Variants in KIF4A observed in about 807,000 individuals in gnomAD.
KIF4A encodes the protein chromosome-associated kinesin KIF4A.
Under a neutral mutation model 105.9 loss-of-function variants are expected in KIF4A, and 7 were observed. The observed-to-expected ratio is 0.07, with a 90% CI of 0.04 to 0.12. The LOEUF (loss-of-function observed/expected upper bound fraction) is 0.12, where lower values mean the gene tolerates loss of function less well. KIF4A is among the 10% of genes least tolerant of loss of function. The probability of loss-of-function intolerance (pLI) is 1.00; values close to 1 mark genes in which losing one functional copy is unlikely to be tolerated. For missense variants in KIF4A, 558 were observed against 929.2 expected, an observed-to-expected ratio of 0.60 and a Z score of 5.19; for synonymous variants, 281 against 331.3, an observed-to-expected ratio of 0.85 and a Z score of 1.65.
chrX:70,350,874 A>G (rs1270587540), intron 13 of KIF4A, among the ~76,000 whole-genome samples: 7 of 112,126 alleles, frequency 6.2e-5, no homozygotes, highest in South Asian at 7.5e-4. Flanking sequence ...CCTGGAAATA[A>G]TTCTTTTTTC....
At chrX:70,338,465 A>G (rs771812488) in intron 10 of KIF4A, among the ~76,000 whole-genome samples, 1 of 112,167 alleles carries the variant, frequency 8.9e-6, no homozygotes, top group South Asian at 3.7e-4. Context: ...CATCCATGTT[A>G]TAGCACGTGT....
intron 3 of KIF4A, among the ~76,000 whole-genome samples, chrX:70,291,606 T>TA (rs1397847710): frequency 8.9e-6 from 1 of 111,974 alleles, no homozygotes; most frequent in Non-Finnish European, 1.9e-5. Flanking sequence ...ATTATTCTAA[T>TA]ACAGTGGTTA....
chrX:70,392,556 G>A (rs188696139), intron 20 of KIF4A, among the ~76,000 whole-genome samples: 278 of 110,471 alleles, frequency 2.5e-3, no homozygotes, highest in African/African-American at 8.6e-3. Context: ...GGCACTTAGA[G>A]AAGCTGAGAT....
chrX:70,296,038 C>T (rs1230113853), intron 3 of KIF4A, among the ~76,000 whole-genome samples: 1 of 100,453 alleles, frequency 1.0e-5, no homozygotes, highest in East Asian at 3.2e-4. Context: ...TTTTAAGCTG[C>T]TTTTTTCAGT....
intron 18 of KIF4A, among the ~76,000 whole-genome samples, chrX:70,385,528 T>C (rs2086214554): frequency 8.9e-6 from 1 of 112,225 alleles, no homozygotes; most frequent in Non-Finnish European, 1.9e-5. Context: ...TCTGTAGGAG[T>C]AGTAACCATG....
At chrX:70,321,037 C>T (rs749048697) in intron 7 of KIF4A, among the ~76,000 whole-genome samples, 2 of 112,008 alleles carry the variant, frequency 1.8e-5, no homozygotes, top group African/African-American at 3.2e-5. Flanking sequence ...TGGCATCTCA[C>T]GTAAATAGAA....
In KIF4A at chrX:70,353,663, T is replaced by G. The variant is rs760913685; in HGVS notation, c.1530T>G (p.Ala510=). Residue 510 remains alanine, a synonymous_variant, in exon 15 of 31, where the codon GCT becomes GCG. Transcript: ENST00000374403. ...CAGAGACGAGCAGGTCTTCTGACGCTTTTACCACTCAGCATGCTCTCCGTC... is the reference window on the plus strand; with the variant it reads ...CAGAGACGAGCAGGTCTTCTGACGCGTTTACCACTCAGCATGCTCTCCGTC... The part of the protein sequence containing the change: ...TSPETSRSSD[A]FTTQHALRQA... The G allele has an allele frequency of 2.5e-6, 3 of 1,211,342 alleles. No homozygotes were observed. The highest frequency in any genetic ancestry group is 2.3e-4 in the Middle Eastern group (1 of 4,350).
At chrX:70,312,001 T>C (rs2085852067) in intron 7 of KIF4A, among the ~76,000 whole-genome samples, 1 of 108,288 alleles carries the variant, frequency 9.2e-6, no homozygotes, top group Admixed American at 9.9e-5. Flanking sequence ...AAAAATTAAA[T>C]TAACAATAAT....
rs1341182752 is a variant in KIF4A, at chrX:70,402,596, G to A, written c.2520G>A (p.Lys840=). 4 of 1,211,833 alleles carry A rather than the reference G, an allele frequency of 3.3e-6. No homozygotes were observed. Among genetic ancestry groups the A allele is most frequent in the Non-Finnish European group, 4.5e-6 (4 of 895,458 alleles). Residue 840 remains lysine, a synonymous_variant, in exon 23 of 31, where the codon AAG becomes AAA. Transcript: ENST00000374403. ...CTCAGATTGCTGACCTACAGCAGAAGCTGCTGGATGCAGAAAGTGAAGACA... is the reference window on the plus strand; with the variant it reads ...CTCAGATTGCTGACCTACAGCAGAAACTGCTGGATGCAGAAAGTGAAGACA... The part of the protein sequence containing the change: ...RSAQIADLQQ[K]LLDAESEDRP...
chrX:70,386,221 G>A (rs182720321), intron 18 of KIF4A, among the ~76,000 whole-genome samples: 1 of 111,291 alleles, frequency 9.0e-6, no homozygotes, highest in African/African-American at 3.3e-5. Flanking sequence ...GGATGGACAG[G>A]TAGGGTTGAT....
At chrX:70,343,336 T>G (rs768913363) in intron 11 of KIF4A, among the ~76,000 whole-genome samples, 70 of 111,320 alleles carry the variant, frequency 6.3e-4, no homozygotes, top group Non-Finnish European at 4.0e-4. Flanking sequence ...TTGTTTGTTT[T>G]TTTTGTTTGT....
intron 17 of KIF4A, 70 bp downstream of exon 17, chrX:70,375,418 T>C: frequency 9.6e-7 from 1 of 1,045,272 alleles, no homozygotes. Flanking sequence ...TTTAGAAATA[T>C]ACTAGAGGTG....
chrX:70,379,778 G>A (rs1349061625), intron 18 of KIF4A, among the ~76,000 whole-genome samples: 1 of 101,670 alleles, frequency 9.8e-6, no homozygotes, highest in Admixed American at 1.1e-4. Context: ...GCGATAGAGT[G>A]AGATTCTGTC....
At chrX:70,372,781 T>A (rs1876109137) in intron 15 of KIF4A, among the ~76,000 whole-genome samples, 1 of 113,017 alleles carries the variant, frequency 8.8e-6, no homozygotes, top group Non-Finnish European at 1.9e-5. Context: ...TATAAGAATA[T>A]TTGTGCAGCT....
intron 7 of KIF4A, among the ~76,000 whole-genome samples, chrX:70,303,610 A>C (rs2085812848): frequency 1.8e-5 from 2 of 111,741 alleles, no homozygotes; most frequent in Admixed American, 1.9e-4. Flanking sequence ...TTTGCACTTG[A>C]GATTTAGCTT....
intron 7 of KIF4A, among the ~76,000 whole-genome samples, chrX:70,318,067 G>A (rs1474379486): frequency 9.1e-6 from 1 of 109,949 alleles, no homozygotes; most frequent in East Asian, 2.9e-4. Context: ...TAGTAGCGAT[G>A]GGGTTTCACC....
At chrX:70,414,297 C>T (rs995604652) in intron 28 of KIF4A, among the ~76,000 whole-genome samples, 2 of 110,930 alleles carry the variant, frequency 1.8e-5, no homozygotes, top group African/African-American at 6.6e-5. Flanking sequence ...TTCTACAGAG[C>T]AACTACAGAG....
intron 13 of KIF4A, among the ~76,000 whole-genome samples, chrX:70,348,719 A>T (rs1372047077): frequency 8.9e-6 from 1 of 111,786 alleles, no homozygotes; most frequent in Non-Finnish European, 1.9e-5. Context: ...TTTTCTTAGT[A>T]CAGAACAAAA....
intron 18 of KIF4A, among the ~76,000 whole-genome samples, chrX:70,380,385 T>C (rs1334895580): frequency 9.0e-6 from 1 of 111,217 alleles, no homozygotes; most frequent in Non-Finnish European, 1.9e-5. Context: ...TATATGGAAA[T>C]CAATTTATGT....
Sources: allele counts gnomAD v4.1 joint callset (sites outside exome capture counted in the v4.1 genomes callset), GRCh38; gene constraint gnomAD v4.1.1; transcripts MANE v1.5; gene names NCBI Gene and HGNC (gene_info 2026-07-23, HGNC 2026-07-21).